Variants in ATP8A2 observed in about 807,000 individuals in gnomAD.
ATP8A2 encodes the protein ATPase phospholipid transporting 8A2.
ATP8A2 carries 100 observed loss-of-function variants against 165.6 expected under a neutral mutation model. The observed-to-expected ratio is 0.60, with a 90% CI of 0.51 to 0.71. The LOEUF is 0.71. ATP8A2 is among the 30% of genes least tolerant of loss of function. The probability of loss-of-function intolerance (pLI) is 0.00; values close to 1 mark genes in which losing one functional copy is unlikely to be tolerated. For missense variants in ATP8A2, 1,227 were observed against 1,479.5 expected, an observed-to-expected ratio of 0.83 and a Z score of 2.80; for synonymous variants, 543 against 548.8, an observed-to-expected ratio of 0.99 and a Z score of 0.15.
At chr13:25,486,452 A>T (rs1037172677) in intron 2 of ATP8A2, among the ~76,000 whole-genome samples, 1 of 152,310 alleles carries the variant, frequency 6.6e-6, no homozygotes, top group Admixed American at 6.5e-5. Flanking sequence ...TATATCCTGA[A>T]GATAAATTTA....
rs370069445 is a variant in ATP8A2, at chr13:25,471,355, T to G, written c.221+2234T>G. On this transcript the variant is annotated intron_variant, in intron 2 of 36. Transcript: ENST00000381655. ...CTTTTGTTTTAATGGAAGGTAAAGT[T>G]TTTTTTTTTTTTGGAGATGGAGTCT... Among the ~76,000 whole-genome samples the G allele has an allele frequency of 7.8e-3, 982 of 125,982 alleles. 13 individuals are homozygous for G. The highest frequency in any genetic ancestry group is 0.032 in the African/African-American group (880 of 27,494). 82.6% of individuals were successfully genotyped at this position (125,982 alleles called of 152,430 possible).
rs149141449 is a variant in ATP8A2 at position 25,528,580 on chromosome 13, G to A, written c.222-1419G>A. Reference sequence around the variant, plus strand: ...TCTCACAGTAGTGTACTTTGCTTCTGGTGTATTCTGTCTCCTGAGCCCTTC... The same window carrying A: ...TCTCACAGTAGTGTACTTTGCTTCTAGTGTATTCTGTCTCCTGAGCCCTTC... On this transcript the variant is annotated intron_variant, in intron 2 of 36. Transcript: ENST00000381655. Among the ~76,000 whole-genome samples the A allele has an allele frequency of 3.3e-5, 5 of 152,194 alleles. No individual in the cohort carries two copies. The East Asian group carries it at 9.7e-4, about 29-fold the overall frequency.
intron 6 of ATP8A2, among the ~76,000 whole-genome samples, chr13:25,536,035 G>A (rs986964720): frequency 3.4e-4 from 51 of 151,132 alleles, no homozygotes; most frequent in African/African-American, 1.2e-3. Flanking sequence ...AAATTTTCTT[G>A]TCTAGTGGTT....
At chr13:25,538,200 TC>T (rs1260681505) in intron 7 of ATP8A2, 139 bp downstream of exon 7, 1 of 573,468 alleles carries the variant, frequency 1.7e-6, no homozygotes, top group Admixed American at 2.8e-5. Flanking sequence ...TCTTGTCATT[TC>T]CCTTCTCCTG....
At chr13:25,674,997 T>TA (rs1349248167) in intron 24 of ATP8A2, among the ~76,000 whole-genome samples, 1 of 152,236 alleles carries the variant, frequency 6.6e-6, no homozygotes, top group African/African-American at 2.4e-5. Context: ...TTTACTTCTT[T>TA]CTGTTGTCTG....
intron 1 of ATP8A2, among the ~76,000 whole-genome samples, chr13:25,422,805 A>G (rs770577904): frequency 2.6e-5 from 4 of 152,242 alleles, no homozygotes; most frequent in Non-Finnish European, 5.9e-5. Flanking sequence ...ATCCTTGGCT[A>G]CAAAGATCAG....
rs1262196643 is a variant in ATP8A2, at chr13:25,758,121, G to T, written c.2385-10925G>T. 6.6e-5 allele frequency among the ~76,000 whole-genome samples: 10 copies of T among 152,300 alleles called. No individual in the cohort carries two copies. In the South Asian group the frequency reaches 2.1e-3, roughly 32 times the overall value. ...GCTACCAGGTGGAGTCAAAAGTTGG[G>T]ATTTGGCTTCTCTGAACAGGGGATG... On this transcript the variant is annotated intron_variant, in intron 25 of 36. Coordinates refer to ENST00000381655, the MANE Select transcript of ATP8A2 (RefSeq NM_016529.6).
rs199641767 is a variant in ATP8A2 at position 25,559,771 on chromosome 13, T to C, written c.1397+6T>C. The C allele has an allele frequency of 1.1e-4, 182 of 1,605,528 alleles. 1 individual carries two copies. The highest frequency in any genetic ancestry group is 1.1e-3 in the South Asian group (99 of 90,892). Reference sequence around the variant, plus strand: ...CCGTCTTCAGATGACTTCTGGTAAGTAGATTCTAGCACTTCTTGACACTTT... The same window carrying C: ...CCGTCTTCAGATGACTTCTGGTAAGCAGATTCTAGCACTTCTTGACACTTT... On this transcript the variant is annotated splice_donor_region_variant and intron_variant, in intron 15 of 36. Coordinates refer to ENST00000381655, the MANE Select transcript of ATP8A2 (RefSeq NM_016529.6).
At chr13:25,450,620 CT>C (rs2035193899) in intron 1 of ATP8A2, among the ~76,000 whole-genome samples, 1 of 151,984 alleles carries the variant, frequency 6.6e-6, no homozygotes, top group Non-Finnish European at 1.5e-5. Context: ...CAAGCTCCGC[CT>C]CCCGGGTTCA....
chr13:25,726,496 T>C (rs1593254505), intron 25 of ATP8A2, among the ~76,000 whole-genome samples: 1 of 152,240 alleles, frequency 6.6e-6, no homozygotes, highest in Non-Finnish European at 1.5e-5. Flanking sequence ...CTGATGGCTT[T>C]TTAAAAATGA....
intron 35 of ATP8A2, among the ~76,000 whole-genome samples, chr13:25,998,343 A>T (rs1956559765): frequency 6.6e-6 from 1 of 152,176 alleles, no homozygotes; most frequent in Non-Finnish European, 1.5e-5. Flanking sequence ...TCACCTCCCC[A>T]TAAGGGTGTT....
At chr13:26,012,427 G>C (rs535260940) in intron 35 of ATP8A2, 104 bp from the exon 36 acceptor site, 8 of 880,686 alleles carry the variant, frequency 9.1e-6, no homozygotes, top group South Asian at 1.7e-5. Context: ...CTTACCCGAC[G>C]TGGGGAGGTG....
intron 24 of ATP8A2, among the ~76,000 whole-genome samples, chr13:25,634,352 G>T (rs1422489415): frequency 6.6e-6 from 1 of 152,146 alleles, no homozygotes; most frequent in Admixed American, 6.6e-5. Context: ...TAAATACTCA[G>T]TAATTCTAAA....
chr13:25,672,211 T>C (rs977949436), intron 24 of ATP8A2, among the ~76,000 whole-genome samples: 1 of 152,192 alleles, frequency 6.6e-6, no homozygotes, highest in Non-Finnish European at 1.5e-5. Context: ...TCTGTATATA[T>C]ACTTTTGTCT....
intron 24 of ATP8A2, among the ~76,000 whole-genome samples, chr13:25,654,824 G>A (rs972664384): frequency 6.6e-6 from 1 of 152,178 alleles, no homozygotes; most frequent in South Asian, 2.1e-4. Flanking sequence ...ATGCCCATCA[G>A]TGATACTTAT....
chr13:25,900,659 G>A (rs867196118), intron 33 of ATP8A2, among the ~76,000 whole-genome samples: 17 of 152,178 alleles, frequency 1.1e-4, no homozygotes, highest in South Asian at 6.2e-4. Context: ...CAAAAACTCC[G>A]TTTTTAAGGT....
At position 25,947,000 on chromosome 13, in the gene ATP8A2, G is replaced by A. The variant is rs551538737; in HGVS notation, c.3184-14575G>A. Among the ~76,000 whole-genome samples, 16 of 152,236 alleles carry A rather than the reference G, an allele frequency of 1.1e-4. 1 individual carries two copies. The highest frequency in any genetic ancestry group is 6.2e-4 in the South Asian group (3 of 4,822). On this transcript the variant is annotated intron_variant, in intron 33 of 36. Transcript: ENST00000381655. Reference sequence around the variant, plus strand: ...TGGCCTCAGGTGATCCACCCACCTCGGCCTCCTAGAGTGCTGGGATTACAG... The same window carrying A: ...TGGCCTCAGGTGATCCACCCACCTCAGCCTCCTAGAGTGCTGGGATTACAG...
chr13:25,715,740 T>C (rs1289548562), intron 25 of ATP8A2, among the ~76,000 whole-genome samples: 4 of 152,254 alleles, frequency 2.6e-5, no homozygotes, highest in African/African-American at 4.8e-5. Context: ...TCTTGGCTAC[T>C]ATGAATTATA....
chr13:25,766,487 G>A (rs1253944108), intron 25 of ATP8A2, among the ~76,000 whole-genome samples: 2 of 152,128 alleles, frequency 1.3e-5, no homozygotes, highest in Non-Finnish European at 2.9e-5. Context: ...AGCGCTGCAC[G>A]ACTTCTCGAA....
Sources: allele counts gnomAD v4.1 joint callset (sites outside exome capture counted in the v4.1 genomes callset), GRCh38; gene constraint gnomAD v4.1.1; transcripts MANE v1.5; gene names NCBI Gene and HGNC (gene_info 2026-07-23, HGNC 2026-07-21).